Variants in HFM1 observed in about 807,000 individuals in gnomAD.
HFM1 encodes probable ATP-dependent DNA helicase HFM1.
Under a neutral mutation model 192.1 loss-of-function variants are expected in HFM1, and 169 were observed. The ratio of observed to expected loss-of-function variants is 0.88; its 90% confidence interval spans 0.78 to 1.00. The LOEUF is 1.00. Ranked by LOEUF, HFM1 falls within the 50% of genes least tolerant of loss-of-function variation. The pLI is 0.00. For synonymous variants in HFM1, 525 were observed against 537.8 expected (o/e 0.98, Z 0.33); for missense variants, 1,661 against 1,668.0 (o/e 1.00, Z 0.07).
chr1:91,389,453 A>G (rs1571214808), intron 4 of HFM1, among the ~76,000 whole-genome samples: 1 of 152,062 alleles, frequency 6.6e-6, no homozygotes, highest in African/African-American at 2.4e-5. Context: ...GGCCTTTGGC[A>G]GGTAATTGGG....
chr1:91,377,148 A>T (rs142727507), intron 11 of HFM1, among the ~76,000 whole-genome samples: 134 of 151,990 alleles, frequency 8.8e-4, no homozygotes, highest in Non-Finnish European at 1.6e-3. Context: ...AAAAAAAAGT[A>T]TGTACATTAT....
chr1:91,385,293 C>T, intron 5 of HFM1, 59 bp from the exon 6 acceptor site: 2 of 1,004,438 alleles, frequency 2.0e-6, no homozygotes, highest in Admixed American at 2.1e-5. Context: ...TGGTCAGAAG[C>T]TAGGACCTGA....
intron 30 of HFM1, among the ~76,000 whole-genome samples, chr1:91,311,353 T>C (rs1332233224): frequency 6.6e-6 from 1 of 152,072 alleles, no homozygotes; most frequent in African/African-American, 2.4e-5. Context: ...GAACAGGGCA[T>C]AAAAGTTCAG....
At chr1:91,288,633 C>T (rs906084776) in intron 30 of HFM1, among the ~76,000 whole-genome samples, 3 of 152,036 alleles carry the variant, frequency 2.0e-5, no homozygotes, top group Admixed American at 6.5e-5. Flanking sequence ...CATCTTGCAC[C>T]GCCCTTAATC....
At chr1:91,288,249 A>G (rs1668251571) in intron 30 of HFM1, among the ~76,000 whole-genome samples, 1 of 152,080 alleles carries the variant, frequency 6.6e-6, no homozygotes, top group South Asian at 2.1e-4. Flanking sequence ...AAAAATGTTA[A>G]GGGCAGCCAG....
Position 91,341,319 on chromosome 1 carries a change from T to C in HFM1, c.2335+2111A>G, listed in dbSNP as rs189287439. ...ACAATTACATGGAAATTAAACAACA[T>C]GCTTCTGAAAGACTTTTCTGAAAAT... On this transcript the variant is annotated intron_variant, in intron 20 of 38. Coordinates refer to ENST00000370425, the MANE Select transcript of HFM1 (RefSeq NM_001017975.6). 2.7e-3 allele frequency among the ~76,000 whole-genome samples: 415 copies of C among 152,290 alleles called. 1 individual carries two copies. Among genetic ancestry groups the C allele is most frequent in the African/African-American group, 9.1e-3 (380 of 41,576 alleles).
intron 23 of HFM1, among the ~76,000 whole-genome samples, chr1:91,321,498 G>C (rs1035052520): frequency 2.0e-5 from 3 of 152,032 alleles, no homozygotes; most frequent in African/African-American, 7.2e-5. Flanking sequence ...CCAGAAACTT[G>C]AAGGATAAAA....
chr1:91,282,987 A>G (rs1667600729), intron 30 of HFM1, among the ~76,000 whole-genome samples: 1 of 152,142 alleles, frequency 6.6e-6, no homozygotes, highest in South Asian at 2.1e-4. Flanking sequence ...TTTCAAGGCA[A>G]AGTTGGCAAG....
intron 19 of HFM1, among the ~76,000 whole-genome samples, chr1:91,347,183 A>C (rs1456688832): frequency 6.6e-6 from 1 of 152,196 alleles, no homozygotes; most frequent in Admixed American, 6.6e-5. Flanking sequence ...TAGAAATAAA[A>C]ACCAAATAAA....
intron 30 of HFM1, among the ~76,000 whole-genome samples, chr1:91,295,719 A>G (rs909445832): frequency 6.6e-6 from 1 of 152,068 alleles, no homozygotes; most frequent in African/African-American, 2.4e-5. Flanking sequence ...TGATGAACAG[A>G]GTTCTTAATT....
At position 91,273,729 on chromosome 1, in the gene HFM1, G is replaced by C; in HGVS notation, c.3755C>G (p.Ser1252Cys). ...TAATTTACCTTTGTCTTGATATTCAGATGGTTCTTGTCTAACTTTTCCATA... is the reference window on the plus strand; with the variant it reads ...TAATTTACCTTTGTCTTGATATTCACATGGTTCTTGTCTAACTTTTCCATA... ...EIYGKVRQEP[S>C]EYQDKEVLNV... The change falls in exon 34 of 39, where the codon TCT (serine) becomes TGT (cysteine). Residue 1252 changes from serine to cysteine, a missense_variant. By Grantham distance (112) the Ser-to-Cys change is moderately radical. Coordinates refer to ENST00000370425, the MANE Select transcript of HFM1 (RefSeq NM_001017975.6). 1 of 1,568,980 alleles carries C rather than the reference G, an allele frequency of 6.4e-7. No individual in the cohort carries two copies. The highest frequency in any genetic ancestry group is 2.2e-5 in the East Asian group (1 of 44,504).
chr1:91,289,733 C>T (rs989042962), intron 30 of HFM1, among the ~76,000 whole-genome samples: 1 of 152,102 alleles, frequency 6.6e-6, no homozygotes, highest in African/African-American at 2.4e-5. Flanking sequence ...TGGCGGCGCG[C>T]GCCTGCATCC....
At chr1:91,345,517 A>T (rs1656014417) in intron 19 of HFM1, among the ~76,000 whole-genome samples, 1 of 152,200 alleles carries the variant, frequency 6.6e-6, no homozygotes, top group Non-Finnish European at 1.5e-5. Flanking sequence ...AGAAAGTATA[A>T]TCAAGTTTAG....
rs1442228664 is a variant in HFM1 at position 91,316,421 on chromosome 1, T to C, written c.2868A>G (p.Ile956Met). The change falls in exon 26 of 39, where the codon ATA becomes ATG. Residue 956 changes from isoleucine to methionine, a missense_variant. Coordinates refer to ENST00000370425, the MANE Select transcript of HFM1 (RefSeq NM_001017975.6). ...VNAGLTSFKK[I>M]EETDARELEL... ...CAAGTTCCCTTGCATCTGTCTCTTC[T>C]ATTTTTTTAAAGGAAGTCAAACCAG... is the stretch of plus-strand genomic sequence containing the variant. 3 of 1,579,730 alleles carry C rather than the reference T, an allele frequency of 1.9e-6. No individual in the cohort carries two copies. Among genetic ancestry groups the C allele is most frequent in the East Asian group, 2.3e-5 (1 of 43,826 alleles).
At chr1:91,288,270 C>T (rs1469176124) in intron 30 of HFM1, among the ~76,000 whole-genome samples, 1 of 151,630 alleles carries the variant, frequency 6.6e-6, no homozygotes, top group Non-Finnish European at 1.5e-5. Flanking sequence ...AGAGAAAGGT[C>T]GGGTTACCCT....
chr1:91,382,016 A>C (rs1445926171), intron 6 of HFM1, among the ~76,000 whole-genome samples: 3 of 151,898 alleles, frequency 2.0e-5, no homozygotes, highest in Non-Finnish European at 4.4e-5. Context: ...CCCTGCCTTT[A>C]TCTCTCTGAC....
chr1:91,380,256 C>A lies in HFM1; in HGVS notation c.874-20G>T. On this transcript the variant is annotated intron_variant, in intron 7 of 38. Transcript: ENST00000370425. Reference sequence around the variant, plus strand: ...AAGAAGCTAAAAAATAAAAAGTAATCAATCATGTAACATATAGACTTTTTC... The same window carrying A: ...AAGAAGCTAAAAAATAAAAAGTAATAAATCATGTAACATATAGACTTTTTC... The A allele has an allele frequency of 1.4e-6, 2 of 1,452,048 alleles. No individual in the cohort carries two copies. Among genetic ancestry groups the A allele is most frequent in the Non-Finnish European group, 1.9e-6 (2 of 1,078,636 alleles). 89.9% of individuals were successfully genotyped at this position (1,452,048 alleles called of 1,614,324 possible).
intron 20 of HFM1, among the ~76,000 whole-genome samples, chr1:91,342,229 C>G (rs181155756): frequency 1.3e-5 from 2 of 149,888 alleles, no homozygotes; most frequent in African/African-American, 4.9e-5. Flanking sequence ...AGAAGCACAT[C>G]AAAAAGCTAA....
At chr1:91,377,258 A>G (rs1202628813) in intron 11 of HFM1, among the ~76,000 whole-genome samples, 1 of 151,920 alleles carries the variant, frequency 6.6e-6, no homozygotes, top group Non-Finnish European at 1.5e-5. Flanking sequence ...GAACAAAACA[A>G]GTTGTCATTT....
Sources: gnomAD v4.1 joint callset for allele counts (sites outside exome capture counted in the v4.1 genomes callset) on GRCh38, gnomAD v4.1.1 for gene constraint, MANE v1.5 for transcripts, NCBI Gene and HGNC (gene_info 2026-07-23, HGNC 2026-07-21) for gene names.